SIDT1: variants seen among roughly 807,000 people sequenced by gnomAD.
SIDT1 encodes SID1 transmembrane family member 1.
A neutral mutation model predicts 107.5 loss-of-function variants in SIDT1; 101 were observed. That is an observed-to-expected ratio of 0.94 (90% confidence interval 0.80 to 1.11). The LOEUF (loss-of-function observed/expected upper bound fraction) is 1.11. Among genes scored for constraint, SIDT1 ranks in the 50% least tolerant of loss-of-function variants. The pLI is 0.00. For synonymous variants in SIDT1, 395 were observed against 398.2 expected, an observed-to-expected ratio of 0.99 and a Z score of 0.10; for missense variants, 1,076 against 1,058.2, an observed-to-expected ratio of 1.02 and a Z score of -0.23.
In SIDT1 at chr3:113,601,643, C is replaced by T; in HGVS notation, c.1101C>T (p.Ser367=). 6 of 1,612,684 alleles carry T rather than the reference C, an allele frequency of 3.7e-6. No individual in the cohort carries two copies. The highest frequency in any genetic ancestry group is 5.1e-6 in the Non-Finnish European group (6 of 1,178,758). The change falls in exon 11 of 25, where the codon AGC becomes AGT. Residue 367 remains serine, a synonymous_variant. Coordinates refer to ENST00000264852, the MANE Select transcript of SIDT1 (RefSeq NM_017699.3). ...TTGCTGCCAGCACACCCGAAGGGAG[C>T]AATTATGGGACAATAGGTATGTCCT... ...HPIAASTPEG[S]NYGTIDESSS...
intron 9 of SIDT1, among the ~76,000 whole-genome samples, chr3:113,592,077 T>A (rs930844511): frequency 6.6e-6 from 1 of 152,204 alleles, no homozygotes; most frequent in Admixed American, 6.5e-5. Context: ...TTTAATGAAA[T>A]GTCTAAAATA....
chr3:113,596,369 G>A (rs1944552042), intron 10 of SIDT1, among the ~76,000 whole-genome samples: 1 of 152,208 alleles, frequency 6.6e-6, no homozygotes, highest in African/African-American at 2.4e-5. Context: ...TCTTTGATAT[G>A]CCTGAAGTGA....
downstream of SIDT1, among the ~76,000 whole-genome samples, chr3:113,630,362 G>T (rs553953262): frequency 1.3e-5 from 2 of 152,046 alleles, no homozygotes; most frequent in African/African-American, 2.4e-5. Context: ...TGAGGGATTC[G>T]CCCGGTTTTA....
intron 1 of SIDT1, among the ~76,000 whole-genome samples, chr3:113,547,745 A>G (rs958617153): frequency 6.6e-6 from 1 of 152,110 alleles, no homozygotes; most frequent in Admixed American, 6.5e-5. Context: ...TTTTCTCCCT[A>G]TTTGGACCAC....
intron 9 of SIDT1, among the ~76,000 whole-genome samples, chr3:113,586,921 C>T (rs918552539): frequency 1.3e-5 from 2 of 152,136 alleles, no homozygotes; most frequent in Non-Finnish European, 2.9e-5. Context: ...TATGTTACAA[C>T]CAAAGACAAT....
At chr3:113,599,275 A>T (rs2107646862) in intron 10 of SIDT1, among the ~76,000 whole-genome samples, 1 of 152,374 alleles carries the variant, frequency 6.6e-6, no homozygotes, top group South Asian at 2.1e-4. Flanking sequence ...AACTAAACAG[A>T]AAGAAGATGC....
At chr3:113,629,786 T>G (rs993516790), downstream of SIDT1, among the ~76,000 whole-genome samples, 2 of 152,210 alleles carry the variant, frequency 1.3e-5, no homozygotes, top group Non-Finnish European at 2.9e-5. Context: ...GGGTGGACTG[T>G]GCTGCTGAAG....
At chr3:113,583,724 G>A (rs531220676) in intron 7 of SIDT1, among the ~76,000 whole-genome samples, 3 of 152,308 alleles carry the variant, frequency 2.0e-5, no homozygotes, top group South Asian at 4.1e-4. Flanking sequence ...TCATCTTTTT[G>A]AAGCATTGTA....
intron 1 of SIDT1, among the ~76,000 whole-genome samples, chr3:113,544,336 G>A (rs1424713769): frequency 6.6e-6 from 1 of 151,906 alleles, no homozygotes; most frequent in Non-Finnish European, 1.5e-5. Flanking sequence ...GACTACAGGC[G>A]CACACAACCA....
In SIDT1 at chr3:113,623,471, A is replaced by G. The variant is rs141835433; in HGVS notation, c.2135A>G (p.Tyr712Cys). 1.0e-4 allele frequency: 168 copies of G among 1,614,064 alleles called. No homozygotes were observed. The highest frequency in any genetic ancestry group is 1.4e-4 in the Non-Finnish European group (165 of 1,179,978). The change falls in exon 22 of 25, where the codon TAC becomes TGC. Residue 712 changes from tyrosine (Y) to cysteine (C), a missense_variant. By Grantham distance (194) the Tyr-to-Cys change is radical (BLOSUM62 -2). Coordinates refer to ENST00000264852, the MANE Select transcript of SIDT1 (RefSeq NM_017699.3). The stretch of plus-strand genomic sequence containing the variant: ...TACCGCCCCAGGGACTTTGCTTCCT[A>G]CATGCTGGGCATCTTCATCTGTAAC... ...LIYRPRDFAS[Y>C]MLGIFICNLL...
intron 6 of SIDT1, among the ~76,000 whole-genome samples, chr3:113,582,071 C>T (rs1943398498): frequency 6.6e-6 from 1 of 152,180 alleles, no homozygotes; most frequent in African/African-American, 2.4e-5. Flanking sequence ...AGCAATTAAA[C>T]ATATTCTAAT....
intron 19 of SIDT1, among the ~76,000 whole-genome samples, chr3:113,612,914 C>A (rs560615440): frequency 6.6e-6 from 1 of 151,806 alleles, no homozygotes; most frequent in East Asian, 1.9e-4. Context: ...AAGCCCAGAG[C>A]AAAAGTCCAA....
At chr3:113,601,337 C>T (rs1271569257) in intron 10 of SIDT1, 2 of 353,942 alleles carry the variant, frequency 5.7e-6, no homozygotes, top group African/African-American at 4.2e-5. Flanking sequence ...TGTCATGAAA[C>T]ATTATTCTTC....
intron 4 of SIDT1, among the ~76,000 whole-genome samples, chr3:113,579,576 T>C (rs1943174241): frequency 6.6e-6 from 1 of 152,226 alleles, no homozygotes; most frequent in African/African-American, 2.4e-5. Context: ...AATGACACTC[T>C]TTAATTCTGA....
chr3:113,549,692 C>T (rs1939995648), intron 1 of SIDT1, among the ~76,000 whole-genome samples: 1 of 152,016 alleles, frequency 6.6e-6, no homozygotes, highest in African/African-American at 2.4e-5. Flanking sequence ...CCTGTCTGAG[C>T]CTTGCCTTTT....
intron 1 of SIDT1, among the ~76,000 whole-genome samples, chr3:113,540,819 A>G (rs1437454197): frequency 1.3e-5 from 2 of 152,016 alleles, no homozygotes; most frequent in Non-Finnish European, 2.9e-5. Flanking sequence ...GTACTAATAC[A>G]TTTTATAATG....
At chr3:113,590,068 G>A (rs1576874087) in intron 9 of SIDT1, 1 of 152,418 alleles carries the variant, frequency 6.6e-6, no homozygotes, top group South Asian at 2.1e-4. Flanking sequence ...GATAAAGAAC[G>A]ATTGCATTGG....
At chr3:113,626,038 G>T in intron 23 of SIDT1, 64 bp from the exon 24 acceptor site, 1 of 1,152,874 alleles carries the variant, frequency 8.7e-7, no homozygotes, top group Non-Finnish European at 1.3e-6. Context: ...CTTTCTGGAC[G>T]TTCAACTCTT....
the SIDT1 span, among the ~76,000 whole-genome samples, chr3:113,635,041 C>G: frequency 6.6e-6 from 1 of 152,112 alleles, no homozygotes; most frequent in Non-Finnish European, 1.5e-5. Flanking sequence ...TTTATAAATT[C>G]AATGATTGCA....
Sources: allele counts gnomAD v4.1 joint callset (sites outside exome capture counted in the v4.1 genomes callset), GRCh38; gene constraint gnomAD v4.1.1; transcripts MANE v1.5; gene names NCBI Gene and HGNC (gene_info 2026-07-23, HGNC 2026-07-21).